The following CSMD1 variants were observed in gnomAD, a reference collection of about 807,000 sequenced individuals.
CSMD1 encodes CUB and sushi domain-containing protein 1.
A neutral mutation model predicts 417.5 loss-of-function variants in CSMD1; 213 were observed. The observed-to-expected ratio is 0.51, with a 90% CI of 0.46 to 0.57. The LOEUF is 0.57. CSMD1 is among the 20% of genes least tolerant of loss of function. CSMD1 has a pLI of 0.00. For missense variants in CSMD1, 6,923 were observed against 4,529.7 expected (o/e 1.53, Z -15.17); for synonymous variants, 2,862 against 1,736.8 (o/e 1.65, Z -16.11).
chr8:4,433,602 A>G (rs966283439), intron 2 of CSMD1, among the ~76,000 whole-genome samples: 5 of 152,142 alleles, frequency 3.3e-5, no homozygotes, highest in African/African-American at 1.2e-4. Flanking sequence ...AAAATGGGAA[A>G]CGACAAATTT....
chr8:4,747,432 G>A (rs552917075), intron 1 of CSMD1, among the ~76,000 whole-genome samples: 3 of 152,246 alleles, frequency 2.0e-5, no homozygotes, highest in Admixed American at 6.5e-5. Flanking sequence ...GTGTTAAAAG[G>A]TGGTACTTAT....
intron 5 of CSMD1, among the ~76,000 whole-genome samples, chr8:3,963,282 T>A (rs1039726168): frequency 2.0e-5 from 3 of 152,176 alleles, no homozygotes; most frequent in African/African-American, 7.2e-5. Flanking sequence ...GAGGAATGCA[T>A]GAAAAACAAA....
At chr8:3,112,328 G>T (rs980586805) in intron 42 of CSMD1, among the ~76,000 whole-genome samples, 12 of 152,106 alleles carry the variant, frequency 7.9e-5, no homozygotes, top group African/African-American at 2.9e-4. Context: ...TTTCCCTTTT[G>T]CATTTCTGCT....
intron 5 of CSMD1, among the ~76,000 whole-genome samples, chr8:3,963,888 C>T (rs181690786): frequency 1.3e-5 from 2 of 152,264 alleles, no homozygotes; most frequent in African/African-American, 2.4e-5. Context: ...AACTGACACT[C>T]GGAAGAATTT....
At chr8:3,816,856 T>C (rs1337339963) in intron 5 of CSMD1, among the ~76,000 whole-genome samples, 1 of 152,158 alleles carries the variant, frequency 6.6e-6, no homozygotes, top group Non-Finnish European at 1.5e-5. Flanking sequence ...GGAACATATT[T>C]CTCAGGGGTA....
At chr8:3,523,734 G>A (rs1208659814) in intron 10 of CSMD1, among the ~76,000 whole-genome samples, 1 of 145,758 alleles carries the variant, frequency 6.9e-6, no homozygotes. Flanking sequence ...TGCACACTCA[G>A]AGACACATGC....
chr8:4,773,935 C>A (rs1332943904), intron 1 of CSMD1, among the ~76,000 whole-genome samples: 1 of 152,206 alleles, frequency 6.6e-6, no homozygotes, highest in Non-Finnish European at 1.5e-5. Flanking sequence ...GTGGCTCACG[C>A]CTGAAATCTC....
chr8:4,962,648 T>A (rs1196729024), intron 1 of CSMD1, among the ~76,000 whole-genome samples: 1 of 152,174 alleles, frequency 6.6e-6, no homozygotes, highest in Non-Finnish European at 1.5e-5. Context: ...TCACTTCAAT[T>A]TATTCAGTGA....
intron 3 of CSMD1, among the ~76,000 whole-genome samples, chr8:4,220,856 C>G (rs1408992935): frequency 6.6e-6 from 1 of 152,132 alleles, no homozygotes; most frequent in African/African-American, 2.4e-5. Context: ...GGAAAAGTAG[C>G]TTGGGGTAAC....
chr8:4,912,775 A>G (rs1002495145), intron 1 of CSMD1, among the ~76,000 whole-genome samples: 4 of 145,738 alleles, frequency 2.7e-5, no homozygotes, highest in African/African-American at 1.0e-4. Context: ...AAAATGACAT[A>G]CAGCACCAGC....
chr8:3,934,904 A>G (rs1810379742), intron 5 of CSMD1, among the ~76,000 whole-genome samples: 1 of 152,158 alleles, frequency 6.6e-6, no homozygotes, highest in Non-Finnish European at 1.5e-5. Context: ...TGAGTTTTCC[A>G]AGAAGAACAT....
intron 3 of CSMD1, among the ~76,000 whole-genome samples, chr8:4,254,457 G>A (rs934452961): frequency 3.3e-5 from 5 of 152,194 alleles, no homozygotes; most frequent in East Asian, 3.9e-4. Flanking sequence ...ATCACTAAGC[G>A]ACATTGCAGC....
chr8:4,756,752 G>C (rs992146347), intron 1 of CSMD1, among the ~76,000 whole-genome samples: 1 of 152,164 alleles, frequency 6.6e-6, no homozygotes, highest in African/African-American at 2.4e-5. Flanking sequence ...AATAAATGTA[G>C]CAGCTTCCTG....
chr8:4,951,023 T>C lies in CSMD1; in HGVS notation c.85+43309A>G, dbSNP rs150237745. ...AAAAAAAATTAATAGAGAAGGGACC[T>C]ATACATAATTTAACCCCCAAGAAGT... On this transcript the variant is annotated intron_variant, in intron 1 of 69. Transcript: ENST00000635120. Among the ~76,000 whole-genome samples, 9 of 152,036 alleles carry C rather than the reference T, an allele frequency of 5.9e-5. No homozygotes were observed. In the East Asian group the frequency reaches 1.7e-3, roughly 29 times the overall value.
intron 5 of CSMD1, among the ~76,000 whole-genome samples, chr8:3,782,048 G>A (rs1799213567): frequency 6.6e-6 from 1 of 152,000 alleles, no homozygotes; most frequent in South Asian, 2.1e-4. Context: ...TTATTATTCT[G>A]TCCACTTAAT....
chr8:3,070,375 T>C (rs1464703181), intron 49 of CSMD1, among the ~76,000 whole-genome samples: 6 of 152,258 alleles, frequency 3.9e-5, no homozygotes, highest in Non-Finnish European at 8.8e-5. Context: ...TGCTTCCTGC[T>C]TAAATGTAAA....
chr8:3,622,767 T>C (rs1055231620), intron 7 of CSMD1, among the ~76,000 whole-genome samples: 7 of 134,908 alleles, frequency 5.2e-5, no homozygotes, highest in South Asian at 4.9e-4. Flanking sequence ...AAGGAAATGA[T>C]AGCTCCATAA....
At chr8:4,900,351 G>C (rs1213172474) in intron 1 of CSMD1, among the ~76,000 whole-genome samples, 1 of 152,106 alleles carries the variant, frequency 6.6e-6, no homozygotes, top group South Asian at 2.1e-4. Flanking sequence ...CAACTTTCAT[G>C]GCAGAAATGT....
intron 3 of CSMD1, among the ~76,000 whole-genome samples, chr8:4,353,990 C>T (rs139082876): frequency 2.6e-5 from 4 of 152,290 alleles, no homozygotes; most frequent in South Asian, 2.1e-4. Context: ...TTTTTCCTAA[C>T]ACCTGCGTGG....
Sources: allele counts gnomAD v4.1 joint callset (sites outside exome capture counted in the v4.1 genomes callset), GRCh38; gene constraint gnomAD v4.1.1; transcripts MANE v1.5; gene names NCBI Gene and HGNC (gene_info 2026-07-23, HGNC 2026-07-21).